The following BBS9 variants were observed in gnomAD, a reference collection of about 807,000 sequenced individuals.
BBS9 encodes Bardet-Biedl syndrome 9, also known as protein PTHB1.
Under a neutral mutation model 117.7 loss-of-function variants are expected in BBS9, and 89 were observed. The observed-to-expected ratio is 0.76, with a 90% CI of 0.64 to 0.90. The LOEUF is 0.90. Ranked by LOEUF, BBS9 falls within the 40% of genes least tolerant of loss-of-function variation. The pLI is 0.00. For synonymous variants in BBS9, 379 were observed against 370.9 expected (o/e 1.02, Z -0.25); for missense variants, 982 against 1,042.2 (o/e 0.94, Z 0.80).
chr7:33,496,181 T>G (rs1844677115), intron 19 of BBS9, among the ~76,000 whole-genome samples: 1 of 152,116 alleles, frequency 6.6e-6, no homozygotes, highest in Non-Finnish European at 1.5e-5. Context: ...GCAGTTGCCT[T>G]AATGGCTACC....
chr7:33,456,625 A>AT (rs374450561), intron 19 of BBS9, among the ~76,000 whole-genome samples: 9 of 151,202 alleles, frequency 6.0e-5, no homozygotes, highest in East Asian at 1.9e-4. Flanking sequence ...TCCCCTAAGT[A>AT]TTTTTTTTTC....
intron 7 of BBS9, 152 bp from the exon 8 acceptor site, chr7:33,272,860 G>A: frequency 2.5e-6 from 2 of 798,446 alleles, no homozygotes; most frequent in Non-Finnish European, 4.1e-6. Flanking sequence ...AATGGTCATA[G>A]TGATAAAAAA....
chr7:33,635,002 C>T (rs892370313), intron 21 of BBS9, among the ~76,000 whole-genome samples: 18 of 152,184 alleles, frequency 1.2e-4, no homozygotes, highest in African/African-American at 2.9e-4. Context: ...CTCCCACACT[C>T]GCAGTGGCTC....
chr7:33,458,538 A>G (rs1838984070), intron 19 of BBS9, among the ~76,000 whole-genome samples: 1 of 152,208 alleles, frequency 6.6e-6, no homozygotes, highest in South Asian at 2.1e-4. Flanking sequence ...TTTTGCTAAA[A>G]TAAGTAACAA....
At chr7:33,404,905 G>A (rs545280841) in intron 19 of BBS9, among the ~76,000 whole-genome samples, 3,873 of 152,132 alleles carry the variant, frequency 0.025, 168 homozygotes, top group African/African-American at 0.089. Context: ...GTGAGAGAGG[G>A]CATCCCTGTC....
At chr7:33,374,148 A>G (rs1363389298) in intron 17 of BBS9, among the ~76,000 whole-genome samples, 1 of 152,154 alleles carries the variant, frequency 6.6e-6, no homozygotes, top group Admixed American at 6.5e-5. Context: ...GTTATATCCC[A>G]AAGGATTGAA....
Position 33,252,120 on chromosome 7 carries a change from G to A in BBS9, c.443-5116G>A, listed in dbSNP as rs537391282. Among the ~76,000 whole-genome samples, 42 of 152,264 alleles carry A rather than the reference G, an allele frequency of 2.8e-4. No homozygotes were observed. The South Asian group carries it at 8.7e-3, about 32-fold the overall frequency. ...TCACATAGTGAGAGCAGGAGCAAGAGAGGGAGGGGGGAGGTGCTACACACT... is the reference window on the plus strand; with the variant it reads ...TCACATAGTGAGAGCAGGAGCAAGAAAGGGAGGGGGGAGGTGCTACACACT... On this transcript the variant is annotated intron_variant, in intron 5 of 22. Coordinates refer to ENST00000242067, the MANE Select transcript of BBS9 (RefSeq NM_198428.3).
At position 33,249,502 on chromosome 7, in the gene BBS9, AT is replaced by A. The variant is rs35873822; in HGVS notation, c.443-7723del. ...CTACCCCCCATCCCCACAGGCATGA[AT>A]TTTTTTTTTTGCCTTTGAAAATGAA... is the stretch of plus-strand genomic sequence containing the variant. On this transcript the variant is annotated intron_variant, in intron 5 of 22. Transcript: ENST00000242067. Among the ~76,000 whole-genome samples, 451 of 148,256 alleles carry A rather than the reference AT, an allele frequency of 3.0e-3. 1 individual carries two copies. The highest frequency in any genetic ancestry group is 0.01 in the African/African-American group (411 of 40,542).
At chr7:33,453,536 T>C (rs1428215474) in intron 19 of BBS9, among the ~76,000 whole-genome samples, 6 of 149,800 alleles carry the variant, frequency 4.0e-5, no homozygotes, top group Non-Finnish European at 7.4e-5. Flanking sequence ...TTTTTTTTTT[T>C]CTGAGATGGA....
At chr7:33,534,952 G>A (rs1025714517) in intron 21 of BBS9, among the ~76,000 whole-genome samples, 2 of 152,090 alleles carry the variant, frequency 1.3e-5, no homozygotes, top group East Asian at 1.9e-4. Flanking sequence ...GAAGTGGTGT[G>A]GTTTTCTCTT....
At chr7:33,476,218 A>G (rs924288413) in intron 19 of BBS9, among the ~76,000 whole-genome samples, 1 of 152,140 alleles carries the variant, frequency 6.6e-6, no homozygotes, top group Non-Finnish European at 1.5e-5. Context: ...TGGTGAATTT[A>G]TGGACTTTTT....
chr7:33,552,877 G>A (rs986365790), intron 21 of BBS9, among the ~76,000 whole-genome samples: 7 of 152,058 alleles, frequency 4.6e-5, no homozygotes, highest in Admixed American at 1.3e-4. Context: ...ACTTGTTACC[G>A]TGGCCTGCAG....
chr7:33,450,648 C>T (rs1007847336), intron 19 of BBS9, among the ~76,000 whole-genome samples: 4 of 152,130 alleles, frequency 2.6e-5, no homozygotes, highest in Non-Finnish European at 4.4e-5. Context: ...TTTTCCTATG[C>T]GTCTTGGCCA....
chr7:33,331,607 T>G (rs912167168), intron 9 of BBS9, among the ~76,000 whole-genome samples: 4 of 143,018 alleles, frequency 2.8e-5, no homozygotes, highest in Admixed American at 7.2e-5. Flanking sequence ...TGCTATACAC[T>G]AACAACAACA....
chr7:33,269,826 C>T (rs993980915), intron 7 of BBS9, among the ~76,000 whole-genome samples: 5 of 151,748 alleles, frequency 3.3e-5, no homozygotes, highest in African/African-American at 1.2e-4. Context: ...AAATCGAGAC[C>T]ATCCTGGCCA....
intron 9 of BBS9, among the ~76,000 whole-genome samples, chr7:33,332,266 A>C (rs778295530): frequency 9.2e-5 from 14 of 152,188 alleles, no homozygotes; most frequent in Non-Finnish European, 1.3e-4. Flanking sequence ...GAATAAAACT[A>C]GATTCTTATC....
intron 9 of BBS9, among the ~76,000 whole-genome samples, chr7:33,326,403 G>T (rs1812862312): frequency 6.6e-6 from 1 of 152,224 alleles, no homozygotes; most frequent in African/African-American, 2.4e-5. Flanking sequence ...CTCAGGGCAG[G>T]TCCTAAAATG....
chr7:33,615,894 A>G (rs1865105339), intron 21 of BBS9, among the ~76,000 whole-genome samples: 1 of 152,044 alleles, frequency 6.6e-6, no homozygotes, highest in African/African-American at 2.4e-5. Context: ...AGGGTGGAGT[A>G]AAGTATTTAG....
chr7:33,352,771 T>C (rs1038449848), intron 14 of BBS9, 88 bp from the exon 15 acceptor site: 14 of 1,400,874 alleles, frequency 1.0e-5, no homozygotes, highest in African/African-American at 2.8e-5. Flanking sequence ...TAAGCAGATA[T>C]GTGTCAAATT....
Sources: allele counts gnomAD v4.1 joint callset (sites outside exome capture counted in the v4.1 genomes callset), GRCh38; gene constraint gnomAD v4.1.1; transcripts MANE v1.5; gene names NCBI Gene and HGNC (gene_info 2026-07-23, HGNC 2026-07-21).